Variants in TRIM13 observed in about 807,000 individuals in gnomAD.
The protein encoded by TRIM13 is tripartite motif containing 13.
TRIM13 carries 15 observed loss-of-function variants against 27.1 expected under a neutral mutation model. The ratio of observed to expected loss-of-function variants is 0.55; its 90% CI spans 0.37 to 0.85. The LOEUF is 0.85. Ranked by LOEUF, TRIM13 falls within the 40% of genes least tolerant of loss-of-function variation. The pLI is 0.00. For synonymous variants in TRIM13, 193 were observed against 171.5 expected, an observed-to-expected ratio of 1.13 and a Z score of -0.98; for missense variants, 402 against 472.2, an observed-to-expected ratio of 0.85 and a Z score of 1.38.
chr13:50,015,575 G>C lies in TRIM13; in HGVS notation c.*2411G>C. On this transcript the variant is annotated 3_prime_UTR_variant, in exon 2 of 2. Transcript: ENST00000378182. The stretch of plus-strand genomic sequence containing the variant: ...GTTTTCTACGATAAAGCAGTTTCCT[G>C]CTTCTCGTTTGGCACGCATGTTAGA... 1.2e-6 allele frequency: 2 copies of C among 1,614,108 alleles called. No homozygotes were observed. Among genetic ancestry groups the C allele is most frequent in the East Asian group, 4.5e-5 (2 of 44,872 alleles).
At chr13:50,009,442 T>C (rs1398106751) in intron 1 of TRIM13, among the ~76,000 whole-genome samples, 2 of 151,764 alleles carry the variant, frequency 1.3e-5, no homozygotes, top group African/African-American at 4.8e-5. Flanking sequence ...ACCCTGTCTA[T>C]AAAAAAATCC....
intron 1 of TRIM13, among the ~76,000 whole-genome samples, chr13:50,007,111 A>T (rs1185082585): frequency 1.3e-5 from 2 of 150,258 alleles, no homozygotes; most frequent in Admixed American, 1.3e-4. Context: ...TGAACCCGGG[A>T]GGCAGAGGTT....
In TRIM13 at chr13:50,015,925, A is replaced by T. The variant is rs1440800578; in HGVS notation, c.*2761A>T. 2 of 1,614,024 alleles carry T rather than the reference A, an allele frequency of 1.2e-6. No individual in the cohort carries two copies. Among genetic ancestry groups the T allele is most frequent in the Non-Finnish European group, 1.7e-6 (2 of 1,180,004 alleles). ...TAACAGGGAGGATTACAGTGTTTAC[A>T]GAACAACCTTCAGCGCCGACCTGGA... is the stretch of plus-strand genomic sequence containing the variant. On this transcript the variant is annotated 3_prime_UTR_variant, in exon 2 of 2. Transcript: ENST00000378182.
chr13:50,006,921 C>T (rs375964163), intron 1 of TRIM13, among the ~76,000 whole-genome samples: 1 of 152,118 alleles, frequency 6.6e-6, no homozygotes, highest in Non-Finnish European at 1.5e-5. Context: ...TGGCTCACAC[C>T]TGTAATCCCA....
At chr13:50,004,100 G>A (rs1465376916) in intron 1 of TRIM13, among the ~76,000 whole-genome samples, 2 of 152,194 alleles carry the variant, frequency 1.3e-5, no homozygotes, top group East Asian at 3.8e-4. Flanking sequence ...CTGACTTTAA[G>A]TTGAAATTTG....
At chr13:50,000,896 T>A (rs931736789) in intron 1 of TRIM13, 2 of 152,230 alleles carry the variant, frequency 1.3e-5, no homozygotes, top group Non-Finnish European at 2.9e-5. Context: ...CTACACAGAT[T>A]TCTAAGTGTA....
At chr13:50,004,196 C>T (rs1165944782) in intron 1 of TRIM13, among the ~76,000 whole-genome samples, 1 of 152,220 alleles carries the variant, frequency 6.6e-6, no homozygotes, top group African/African-American at 2.4e-5. Context: ...TGCAGTGGCT[C>T]TTGCCTGTAT....
Position 50,015,963 on chromosome 13 carries a change from T to A in TRIM13, c.*2799T>A. On this transcript the variant is annotated 3_prime_UTR_variant, in exon 2 of 2. Transcript: ENST00000378182. The stretch of plus-strand genomic sequence containing the variant: ...GCGCCGACCTGGAATGGTAACTTTT[T>A]CCCTCCTCAGATGACCTTACTTCCA... The A allele has an allele frequency of 6.2e-7, 1 of 1,614,132 alleles. No individual in the cohort carries two copies. The highest frequency in any genetic ancestry group is 8.5e-7 in the Non-Finnish European group (1 of 1,179,986).
chr13:50,011,392 C>T (rs745627314), intron 1 of TRIM13, among the ~76,000 whole-genome samples: 1 of 152,192 alleles, frequency 6.6e-6, no homozygotes, highest in Non-Finnish European at 1.5e-5. Context: ...TTGCAACTCT[C>T]ATCTTGTGCT....
At chr13:50,007,182 C>CAA (rs112759649) in intron 1 of TRIM13, among the ~76,000 whole-genome samples, 3 of 121,154 alleles carry the variant, frequency 2.5e-5, no homozygotes, top group East Asian at 2.6e-4. Flanking sequence ...GACTCTGTCT[C>CAA]AAAAAAAAAA....
intron 1 of TRIM13, among the ~76,000 whole-genome samples, chr13:50,005,854 A>G (rs1439128513): frequency 3.4e-5 from 5 of 145,842 alleles, no homozygotes; most frequent in Non-Finnish European, 6.0e-5. Flanking sequence ...AGTAGCTGGG[A>G]TTACAGGCAT....
chr13:50,013,922 G>C lies in TRIM13; in HGVS notation c.*758G>C, dbSNP rs1026892927. 12 of 166,514 alleles carry C rather than the reference G, an allele frequency of 7.2e-5. No individual in the cohort carries two copies. The highest frequency in any genetic ancestry group is 2.4e-5 in the African/African-American group (1 of 41,232). 10.3% of individuals were successfully genotyped at this position (166,514 alleles called of 1,614,324 possible). ...TGTAGAAGATTTCACACACACACGC[G>C]TGTGTGGGAGACAACTAAAGGTATT... On this transcript the variant is annotated 3_prime_UTR_variant, in exon 2 of 2. Transcript: ENST00000378182.
intron 1 of TRIM13, among the ~76,000 whole-genome samples, chr13:50,008,678 T>C (rs2138393486): frequency 6.6e-6 from 1 of 152,060 alleles, no homozygotes; most frequent in East Asian, 1.9e-4. Context: ...CATTGAGAAA[T>C]GGTATTGCCT....
intron 1 of TRIM13, among the ~76,000 whole-genome samples, chr13:50,008,713 G>C (rs1234876779): frequency 6.6e-6 from 1 of 151,934 alleles, no homozygotes; most frequent in East Asian, 1.9e-4. Flanking sequence ...AAATATTTTG[G>C]TCTTAGGACA....
intron 1 of TRIM13, among the ~76,000 whole-genome samples, chr13:50,002,541 T>C (rs1369514437): frequency 6.6e-6 from 1 of 152,188 alleles, no homozygotes; most frequent in East Asian, 1.9e-4. Context: ...ATTGTGAAAA[T>C]GTTCAAACAG....
rs923508868 is a variant in TRIM13 at position 50,018,396 on chromosome 13, G to A, written c.*5232G>A. ...CTGTACAGTCAAGATCTGGCGCTTG[G>A]GGGTAAGTGGAATGATTTGCTAATA... On this transcript the variant is annotated 3_prime_UTR_variant, in exon 2 of 2. Transcript: ENST00000378182. The A allele has an allele frequency of 6.0e-6, 1 of 166,366 alleles. No homozygotes were observed. The highest frequency in any genetic ancestry group is 2.4e-5 in the African/African-American group (1 of 41,434). The allele number at this position is 166,366 out of a possible 1,614,324, so 10.3% of individuals were successfully genotyped here. A position where few individuals can be genotyped will look rare whatever the true frequency, so the allele number is the denominator to read the frequency against.
chr13:50,013,518 CTTTTTTTT>C lies in TRIM13; in HGVS notation c.*369_*376del, dbSNP rs33989231. ...TTCTTCAAGCATGCAGTAAAGATCACTTTTTTTTTTTTTTTTTTTTTTGAGATGGAGTC... is the reference window on the plus strand; with the variant it reads ...TTCTTCAAGCATGCAGTAAAGATCACTTTTTTTTTTTTTTGAGATGGAGTC... On this transcript the variant is annotated 3_prime_UTR_variant, in exon 2 of 2. Transcript: ENST00000378182. 2.5e-3 allele frequency: 218 copies of C among 86,612 alleles called. No homozygotes were observed. The highest frequency in any genetic ancestry group is 0.015 in the East Asian group (35 of 2,332). The allele number at this position is 86,612 out of a possible 1,614,324, so 5.4% of individuals were successfully genotyped here. A position where few individuals can be genotyped will look rare whatever the true frequency, so the allele number is the denominator to read the frequency against.
Position 50,014,344 on chromosome 13 carries a change from A to AAT in TRIM13, c.*1196_*1197dup, listed in dbSNP as rs1555325056. ...AAAAAAAAAAAAAAAAAAAAAAAAA[A>AAT]ATATATATATATATATACACACACA... is the stretch of plus-strand genomic sequence containing the variant. On this transcript the variant is annotated 3_prime_UTR_variant, in exon 2 of 2. Transcript: ENST00000378182. 0.057 allele frequency: 1,111 copies of AAT among 19,650 alleles called. 50 individuals carry two copies. Among genetic ancestry groups the AAT allele is most frequent in the African/African-American group, 0.071 (347 of 4,874 alleles). The allele number at this position is 19,650 out of a possible 1,614,324, so 1.2% of individuals were successfully genotyped here. A position where few individuals can be genotyped will look rare whatever the true frequency, so the allele number is the denominator to read the frequency against.
intron 1 of TRIM13, among the ~76,000 whole-genome samples, chr13:50,008,048 G>C (rs1454784979): frequency 6.6e-6 from 1 of 151,770 alleles, no homozygotes; most frequent in Non-Finnish European, 1.5e-5. Flanking sequence ...GGAACTACAG[G>C]TGCCTGCCAC....
Sources: allele counts gnomAD v4.1 joint callset (sites outside exome capture counted in the v4.1 genomes callset), GRCh38; gene constraint gnomAD v4.1.1; transcripts MANE v1.5; gene names NCBI Gene and HGNC (gene_info 2026-07-23, HGNC 2026-07-21).